Variants in PRR7 observed in about 807,000 individuals in gnomAD.
PRR7 encodes the protein proline rich 7, synaptic.
A neutral mutation model predicts 18.5 loss-of-function variants in PRR7; 8 were observed. The ratio of observed to expected loss-of-function variants is 0.43; its 90% CI spans 0.25 to 0.78. The LOEUF is 0.78. Ranked by LOEUF, PRR7 falls within the 30% of genes least tolerant of loss-of-function variation. The probability of loss-of-function intolerance (pLI) is 0.22; values close to 1 mark genes in which losing one functional copy is unlikely to be tolerated. For synonymous variants in PRR7, 221 were observed against 187.7 expected, an observed-to-expected ratio of 1.18 and a Z score of -1.45; for missense variants, 396 against 403.1, an observed-to-expected ratio of 0.98 and a Z score of 0.15.
intron 1 of PRR7, among the ~76,000 whole-genome samples, 197 bp from the exon 2 acceptor site, chr5:177,453,759 G>C (rs886895914): frequency 6.7e-6 from 1 of 148,772 alleles, no homozygotes; most frequent in Non-Finnish European, 1.5e-5. Context: ...GCTACCACCT[G>C]CCATCTACAC....
At chr5:177,452,394 G>T (rs938831088) in intron 1 of PRR7, among the ~76,000 whole-genome samples, 2 of 152,242 alleles carry the variant, frequency 1.3e-5, no homozygotes, top group African/African-American at 2.4e-5. Context: ...AGGGGGCATG[G>T]TTTTTTCGGG....
At position 177,446,856 on chromosome 5, in the gene PRR7, C is replaced by T. The variant is rs1755911419; in HGVS notation, c.-429C>T. 1.3e-5 allele frequency: 2 copies of T among 151,900 alleles called. No homozygotes were observed. Among genetic ancestry groups the T allele is most frequent in the East Asian group, 3.9e-4 (2 of 5,164 alleles). 9.4% of individuals were successfully genotyped at this position (151,900 alleles called of 1,614,324 possible). A position where few individuals can be genotyped will look rare whatever the true frequency, so the allele number is the denominator to read the frequency against. ...CGCTTTCGCTGCCACTGTCTGCTCC[C>T]CCGGGCCGCCGCCGCCTCCCCCCGC... On this transcript the variant is annotated 5_prime_UTR_variant, in exon 1 of 4. Transcript: ENST00000323249. This position sits in a 1 kb window ranked among gnomAD's most constrained non-coding sequence, Gnocchi z 5.3.
chr5:177,447,610 C>T (rs547885657), intron 1 of PRR7: 45 of 145,782 alleles, frequency 3.1e-4, no homozygotes, highest in African/African-American at 9.8e-4. Context: ...ATGGCCTGAG[C>T]CGAGCTGGGT....
At chr5:177,448,125 C>T (rs1755988199) in intron 1 of PRR7, among the ~76,000 whole-genome samples, 1 of 152,236 alleles carries the variant, frequency 6.6e-6, no homozygotes, top group African/African-American at 2.4e-5. Context: ...GCCCCGACCG[C>T]GGGCTTCAGA....
rs1756445594 is a variant in PRR7 at position 177,456,224 on chromosome 5, G to A, written c.*103G>A. ...GCGGGGAGGGGCGGGGGGAGGGAGGGATTTCTTATCCCGTTTGTTACATTT... is the reference window on the plus strand; with the variant it reads ...GCGGGGAGGGGCGGGGGGAGGGAGGAATTTCTTATCCCGTTTGTTACATTT... On this transcript the variant is annotated 3_prime_UTR_variant, in exon 4 of 4. Transcript: ENST00000323249. 1.9e-6 allele frequency: 2 copies of A among 1,038,022 alleles called. No homozygotes were observed. The highest frequency in any genetic ancestry group is 1.7e-5 in the African/African-American group (1 of 58,774). 64.3% of individuals were successfully genotyped at this position (1,038,022 alleles called of 1,614,324 possible). A position where few individuals can be genotyped will look rare whatever the true frequency, so the allele number is the denominator to read the frequency against.
chr5:177,454,982 C>T lies in PRR7; in HGVS notation c.-86C>T. 7.3e-7 allele frequency: 1 copy of T among 1,364,554 alleles called. No individual in the cohort carries two copies. Among genetic ancestry groups the T allele is most frequent in the Non-Finnish European group, 9.4e-7 (1 of 1,059,858 alleles). The allele number at this position is 1,364,554 out of a possible 1,614,324, so 84.5% of individuals were successfully genotyped here. On this transcript the variant is annotated 5_prime_UTR_variant, in exon 3 of 4. Coordinates refer to ENST00000323249, the MANE Select transcript of PRR7 (RefSeq NM_030567.5). This position sits in a 1 kb window ranked among gnomAD's most constrained non-coding sequence, Gnocchi z 4.7. The stretch of plus-strand genomic sequence containing the variant: ...GGTCCCCGAGTGACGCTGGCGGCAC[C>T]TGAGAGTGTGGCGCGGGCCCGGGGC...
rs1756108015 is a variant in PRR7, at chr5:177,449,962, G to A, written c.-325+3002G>A. On this transcript the variant is annotated intron_variant, in intron 1 of 3. Coordinates refer to ENST00000323249, the MANE Select transcript of PRR7 (RefSeq NM_030567.5). The surrounding 1 kb of genome is among the most constrained non-coding windows in gnomAD (Gnocchi z 4.2). ...GTTGATGTGGGAAGGGTGTAAGGGT[G>A]TCACCAGTGGCTCCCTGAAATGCCC... 6.6e-6 allele frequency among the ~76,000 whole-genome samples: 1 copy of A among 152,160 alleles called. No homozygotes were observed. The highest frequency in any genetic ancestry group is 1.5e-5 in the Non-Finnish European group (1 of 68,014).
In PRR7 at chr5:177,455,414, A is replaced by ACCCGCACCACCACGCGCT. The variant is rs1437645168; in HGVS notation, c.356_373dup (p.His119_His124dup). ...CAGCCGCACGCGCACGCGCACCCAC[A>ACCCGCACCACCACGCGCT]CCCGCACCACCACGCGCTCCCGCAC... On this transcript the variant is annotated inframe_insertion, in exon 3 of 4. Coordinates refer to ENST00000323249, the MANE Select transcript of PRR7 (RefSeq NM_030567.5). This position sits in a 1 kb window ranked among gnomAD's most constrained non-coding sequence, Gnocchi z 6.9. The ACCCGCACCACCACGCGCT allele has an allele frequency of 1.1e-5, 17 of 1,502,546 alleles. No individual in the cohort carries two copies. Among genetic ancestry groups the ACCCGCACCACCACGCGCT allele is most frequent in the South Asian group, 3.7e-5 (3 of 81,008 alleles). 93.1% of individuals were successfully genotyped at this position (1,502,546 alleles called of 1,614,324 possible). A position where few individuals can be genotyped will look rare whatever the true frequency, so the allele number is the denominator to read the frequency against.
Position 177,455,808 on chromosome 5 carries a change from C to T in PRR7, c.512C>T (p.Thr171Met). 2 of 1,611,952 alleles carry T rather than the reference C, an allele frequency of 1.2e-6. No homozygotes were observed. Among genetic ancestry groups the T allele is most frequent in the African/African-American group, 1.3e-5 (1 of 75,006 alleles). The change falls in exon 4 of 4, where the codon ACG becomes ATG. Residue 171 changes from threonine to methionine, a missense_variant. Around this residue, in one of 2 missense-constraint regions of PRR7, gnomAD observed 383 missense variants for 372.6 expected, o/e 1.03. Coordinates refer to ENST00000323249, the MANE Select transcript of PRR7 (RefSeq NM_030567.5). This position sits in a 1 kb window ranked among gnomAD's most constrained non-coding sequence, Gnocchi z 6.9. ...EPPPPYSEVLTDTRGLYRKIV... is the reference protein window; with the variant it reads ...EPPPPYSEVLMDTRGLYRKIV... ...CCGCCGCCCTATAGCGAGGTGCTCACGGACACGCGCGGCCTCTACCGCAAG... is the reference window on the plus strand; with the variant it reads ...CCGCCGCCCTATAGCGAGGTGCTCATGGACACGCGCGGCCTCTACCGCAAG...
In PRR7 at chr5:177,455,370, G is replaced by C; in HGVS notation, c.303G>C (p.Leu101=). The stretch of plus-strand genomic sequence containing the variant: ...ATCCGCACGTGCACGTGCACCCGCT[G>C]CTGCACCACGGGCCCGCGCAGCCGC... ...HSHPHVHVHP[L]LHHGPAQPHA... The change falls in exon 3 of 4, where the codon CTG becomes CTC. Residue 101 remains leucine (L), a synonymous_variant. Coordinates refer to ENST00000323249, the MANE Select transcript of PRR7 (RefSeq NM_030567.5). The surrounding 1 kb of genome is among the most constrained non-coding windows in gnomAD (Gnocchi z 6.9). The C allele has an allele frequency of 1.3e-6, 2 of 1,498,660 alleles. No individual in the cohort carries two copies. The highest frequency in any genetic ancestry group is 1.8e-6 in the Non-Finnish European group (2 of 1,131,052). The allele number at this position is 1,498,660 out of a possible 1,614,324, so 92.8% of individuals were successfully genotyped here.
chr5:177,447,247 C>A (rs576739071), intron 1 of PRR7, among the ~76,000 whole-genome samples: 2 of 152,080 alleles, frequency 1.3e-5, no homozygotes, highest in African/African-American at 4.8e-5. Context: ...GGGGCGGCGA[C>A]GCCCCCTCCC....
In PRR7 at chr5:177,449,009, G is replaced by T. The variant is rs927887259; in HGVS notation, c.-325+2049G>T. Among the ~76,000 whole-genome samples the T allele has an allele frequency of 6.6e-6, 1 of 152,212 alleles. No homozygotes were observed. The highest frequency in any genetic ancestry group is 2.4e-5 in the African/African-American group (1 of 41,452). ...AATGAGTGAGGCGGGCCAGGGAGCC[G>T]CTCAGCTCCAATCTTTGTCACTGTG... On this transcript the variant is annotated intron_variant, in intron 1 of 3. Transcript: ENST00000323249. This position sits in a 1 kb window ranked among gnomAD's most constrained non-coding sequence, Gnocchi z 4.2.
At chr5:177,447,371 G>A (rs1755946293) in intron 1 of PRR7, among the ~76,000 whole-genome samples, 1 of 152,256 alleles carries the variant, frequency 6.6e-6, no homozygotes, top group South Asian at 2.1e-4. Flanking sequence ...TGCCTCCACA[G>A]CCCGTCGAGG....
rs1319833340 is a variant in PRR7, at chr5:177,455,682, A to T, written c.428-42A>T. On this transcript the variant is annotated intron_variant, in intron 3 of 3. Transcript: ENST00000323249. The surrounding 1 kb of genome is among the most constrained non-coding windows in gnomAD (Gnocchi z 6.9). ...GCCGGGGCCTCTGCGAGAGGCTGGG[A>T]ACCGGCGGCCTCACCTCCTCCGACC... 6.6e-7 allele frequency: 1 copy of T among 1,505,970 alleles called. No individual in the cohort carries two copies. The highest frequency in any genetic ancestry group is 2.5e-5 in the East Asian group (1 of 40,456). 93.3% of individuals were successfully genotyped at this position (1,505,970 alleles called of 1,614,324 possible).
chr5:177,447,496 G>C (rs957397052), intron 1 of PRR7: 14 of 152,420 alleles, frequency 9.2e-5, no homozygotes, highest in Non-Finnish European at 1.9e-4. Context: ...CCCTGGGCTT[G>C]TCACGGGAGG....
rs1240276973 is a variant in PRR7 at position 177,455,405 on chromosome 5, C to T, written c.338C>T (p.Ala113Val). The T allele has an allele frequency of 6.7e-7, 1 of 1,497,162 alleles. No homozygotes were observed. The highest frequency in any genetic ancestry group is 8.9e-7 in the Non-Finnish European group (1 of 1,129,916). The allele number at this position is 1,497,162 out of a possible 1,614,324, so 92.7% of individuals were successfully genotyped here. Residue 113 changes from alanine to valine, a missense_variant, in exon 3 of 4, where the codon GCG becomes GTG. Ala to Val is a moderately conservative substitution (Grantham distance 64). Transcript: ENST00000323249. The surrounding 1 kb of genome is among the most constrained non-coding windows in gnomAD (Gnocchi z 6.9). ...HHGPAQPHAH[A>V]HPHPHHHALP... ...GGGCCCGCGCAGCCGCACGCGCACG[C>T]GCACCCACACCCGCACCACCACGCG...
intron 1 of PRR7, among the ~76,000 whole-genome samples, chr5:177,452,567 C>T (rs1221514871): frequency 6.6e-6 from 1 of 152,222 alleles, no homozygotes; most frequent in Admixed American, 6.5e-5. Context: ...CCTGCTGTGG[C>T]ACTGCCGAGA....
chr5:177,447,852 C>T (rs1335704659), intron 1 of PRR7, among the ~76,000 whole-genome samples: 1 of 152,214 alleles, frequency 6.6e-6, no homozygotes, highest in African/African-American at 2.4e-5. Context: ...CGACCCAGCC[C>T]ATTGTCTGGA....
rs879882353 is a variant in PRR7 at position 177,450,271 on chromosome 5, G to GTGT, written c.-325+3311_-325+3312insTGT. Among the ~76,000 whole-genome samples the GTGT allele has an allele frequency of 0.011, 1,738 of 152,202 alleles. 13 individuals are homozygous for GTGT. Among genetic ancestry groups the GTGT allele is most frequent in the Admixed American group, 0.018 (281 of 15,290 alleles). Reference sequence around the variant, plus strand: ...ACCAGCAGCTCTAGCCTCAAGTCCAGGTGTGACCCAGTGCCCCTGCTGCCC... The same window carrying GTGT: ...ACCAGCAGCTCTAGCCTCAAGTCCAGTGTGTGTGACCCAGTGCCCCTGCTGCCC... On this transcript the variant is annotated intron_variant, in intron 1 of 3. Coordinates refer to ENST00000323249, the MANE Select transcript of PRR7 (RefSeq NM_030567.5). This position sits in a 1 kb window ranked among gnomAD's most constrained non-coding sequence, Gnocchi z 6.6.
Sources: allele counts gnomAD v4.1 joint callset (sites outside exome capture counted in the v4.1 genomes callset), GRCh38; gene constraint gnomAD v4.1.1; regional missense constraint gnomAD v4.1.1; non-coding constraint Gnocchi (gnomAD v3.1); transcripts MANE v1.5; gene names NCBI Gene and HGNC (gene_info 2026-07-23, HGNC 2026-07-21).